The following PTPRD variants were observed in gnomAD, a reference collection of about 807,000 sequenced individuals.
The protein encoded by PTPRD is receptor-type tyrosine-protein phosphatase delta.
Under a neutral mutation model 214.5 loss-of-function variants are expected in PTPRD, and 34 were observed. That is an observed-to-expected ratio of 0.16 (90% CI 0.12 to 0.21). The LOEUF (loss-of-function observed/expected upper bound fraction) is 0.21, where lower values mean the gene tolerates loss of function less well. PTPRD is among the 10% of genes least tolerant of loss of function. PTPRD has a pLI of 1.00. For synonymous variants in PTPRD, 1,128 were observed against 845.7 expected, an observed-to-expected ratio of 1.33 and a Z score of -5.79; for missense variants, 2,545 against 2,398.7, an observed-to-expected ratio of 1.06 and a Z score of -1.27.
chr9:10,388,322 G>C (rs570352376), intron 2 of PTPRD, among the ~76,000 whole-genome samples: 1 of 151,698 alleles, frequency 6.6e-6, no homozygotes, highest in Non-Finnish European at 1.5e-5. Context: ...TACATCCTGA[G>C]ATAAAATGAT....
intron 9 of PTPRD, among the ~76,000 whole-genome samples, chr9:9,223,833 T>A (rs749174477): frequency 6.6e-6 from 1 of 152,014 alleles, no homozygotes; most frequent in African/African-American, 2.4e-5. Context: ...TTCGGCTGAG[T>A]ACATTACATA....
intron 2 of PTPRD, among the ~76,000 whole-genome samples, chr9:10,461,193 C>A (rs1008686668): frequency 4.7e-5 from 7 of 150,434 alleles, no homozygotes; most frequent in African/African-American, 1.7e-4. Context: ...CTCTATATAT[C>A]CTCATAACTG....
At chr9:8,572,299 C>T (rs2091368262) in intron 14 of PTPRD, among the ~76,000 whole-genome samples, 1 of 151,944 alleles carries the variant, frequency 6.6e-6, no homozygotes, top group South Asian at 2.1e-4. Context: ...AACTAAAAAG[C>T]AAAACCAAAC....
intron 3 of PTPRD, among the ~76,000 whole-genome samples, chr9:10,064,081 AT>A (rs1434438509): frequency 6.6e-6 from 1 of 151,086 alleles, no homozygotes; most frequent in Non-Finnish European, 1.5e-5. Flanking sequence ...TTCTTCATTT[AT>A]TTAGGTCTTT....
intron 27 of PTPRD, among the ~76,000 whole-genome samples, chr9:8,492,499 G>A (rs950274632): frequency 6.6e-6 from 1 of 150,446 alleles, no homozygotes; most frequent in African/African-American, 2.4e-5. Context: ...TTTGTCACTT[G>A]TTAATTATCT....
chr9:9,756,210 G>A (rs2098574319), intron 6 of PTPRD, among the ~76,000 whole-genome samples: 1 of 152,022 alleles, frequency 6.6e-6, no homozygotes, highest in Non-Finnish European at 1.5e-5. Flanking sequence ...CTAACTCTGA[G>A]TCTTCTGGAG....
chr9:10,202,056 T>A (rs988588421), intron 3 of PTPRD, among the ~76,000 whole-genome samples: 3 of 152,044 alleles, frequency 2.0e-5, no homozygotes, highest in Non-Finnish European at 4.4e-5. Context: ...GTGAGAAAAC[T>A]GTATGTGTTT....
chr9:9,436,899 A>G (rs905985242), intron 8 of PTPRD, among the ~76,000 whole-genome samples: 1 of 152,010 alleles, frequency 6.6e-6, no homozygotes, highest in South Asian at 2.1e-4. Flanking sequence ...CAAAAAAAAA[A>G]AGCCTGTCTA....
chr9:8,618,611 G>C (rs2095691771), intron 14 of PTPRD, among the ~76,000 whole-genome samples: 2 of 152,030 alleles, frequency 1.3e-5, no homozygotes, highest in South Asian at 4.2e-4. Context: ...AGACAACTCA[G>C]TTCCAACATA....
At chr9:9,677,352 G>C (rs1360457813) in intron 7 of PTPRD, among the ~76,000 whole-genome samples, 1 of 151,866 alleles carries the variant, frequency 6.6e-6, no homozygotes, top group Admixed American at 6.6e-5. Flanking sequence ...CATATGGCTA[G>C]CCAGTTTTCC....
intron 9 of PTPRD, among the ~76,000 whole-genome samples, chr9:9,312,157 T>C (rs1959183318): frequency 6.6e-6 from 1 of 152,168 alleles, no homozygotes; most frequent in Admixed American, 6.5e-5. Context: ...TTTCATTTGA[T>C]CCTAAAAATA....
At chr9:10,395,817 C>T (rs1012585696) in intron 2 of PTPRD, among the ~76,000 whole-genome samples, 1 of 151,732 alleles carries the variant, frequency 6.6e-6, no homozygotes, top group Non-Finnish European at 1.5e-5. Flanking sequence ...AAAAGGCAAA[C>T]AAAACAGTGA....
intron 5 of PTPRD, among the ~76,000 whole-genome samples, chr9:9,916,964 G>A (rs2081018912): frequency 6.6e-6 from 1 of 151,494 alleles, no homozygotes; most frequent in Admixed American, 6.6e-5. Flanking sequence ...CTCTAATAAT[G>A]GGTGTAGGAA....
intron 2 of PTPRD, among the ~76,000 whole-genome samples, chr9:10,508,780 A>G (rs1382615306): frequency 6.6e-6 from 1 of 151,770 alleles, no homozygotes; most frequent in Non-Finnish European, 1.5e-5. Flanking sequence ...AACATCACAC[A>G]CTGGGGCCTG....
chr9:8,911,541 T>C (rs2154261459), intron 11 of PTPRD, among the ~76,000 whole-genome samples: 1 of 152,114 alleles, frequency 6.6e-6, no homozygotes, highest in East Asian at 1.9e-4. Context: ...TAGACCCAAA[T>C]GTAAGAGCTA....
chr9:9,763,258 G>C (rs2154477162), intron 6 of PTPRD, among the ~76,000 whole-genome samples: 1 of 152,216 alleles, frequency 6.6e-6, no homozygotes, highest in African/African-American at 2.4e-5. Context: ...ATGACATAGA[G>C]ATAATCACTG....
At chr9:8,919,485 G>T (rs1391600252) in intron 11 of PTPRD, among the ~76,000 whole-genome samples, 1 of 151,352 alleles carries the variant, frequency 6.6e-6, no homozygotes, top group Non-Finnish European at 1.5e-5. Flanking sequence ...TTCTTGTTTA[G>T]ATACAGACTT....
At chr9:9,475,445 G>A (rs1569568655) in intron 8 of PTPRD, among the ~76,000 whole-genome samples, 1 of 152,180 alleles carries the variant, frequency 6.6e-6, no homozygotes, top group African/African-American at 2.4e-5. Flanking sequence ...TTTCCATCAG[G>A]AGAAATCGAA....
At chr9:8,325,432 T>G (rs1832689583) in intron 44 of PTPRD, among the ~76,000 whole-genome samples, 1 of 149,086 alleles carries the variant, frequency 6.7e-6, no homozygotes, top group Non-Finnish European at 1.5e-5. Context: ...GAGGCCTCTG[T>G]TCTGTTCCAT....
Sources: gnomAD v4.1 joint callset for allele counts (sites outside exome capture counted in the v4.1 genomes callset) on GRCh38, gnomAD v4.1.1 for gene constraint, MANE v1.5 for transcripts, NCBI Gene and HGNC (gene_info 2026-07-23, HGNC 2026-07-21) for gene names.